LDAH: variants seen among roughly 807,000 people sequenced by gnomAD.
LDAH encodes the protein lipid droplet associated hydrolase.
A neutral mutation model predicts 29.6 loss-of-function variants in LDAH; 26 were observed. The ratio of observed to expected loss-of-function variants is 0.88; its 90% CI spans 0.64 to 1.22. The LOEUF is 1.22. LDAH is among the 50% of genes most tolerant of loss of function. The pLI is 0.00. For synonymous variants in LDAH, 117 were observed against 133.0 expected, an observed-to-expected ratio of 0.88 and a Z score of 0.83; for missense variants, 344 against 387.3, an observed-to-expected ratio of 0.89 and a Z score of 0.94.
chr2:20,740,728 A>C (rs1451558364), intron 4 of LDAH, among the ~76,000 whole-genome samples: 2 of 152,188 alleles, frequency 1.3e-5, no homozygotes, highest in African/African-American at 4.8e-5. Flanking sequence ...ATTATGAATA[A>C]AGCTGCTATA....
chr2:20,773,380 C>A (rs1304409198), intron 4 of LDAH, among the ~76,000 whole-genome samples: 1 of 151,568 alleles, frequency 6.6e-6, no homozygotes, highest in African/African-American at 2.4e-5. Flanking sequence ...GAACTCACAG[C>A]AACTGTGCAA....
chr2:20,714,644 T>C (rs891228313), intron 5 of LDAH, among the ~76,000 whole-genome samples: 4 of 151,720 alleles, frequency 2.6e-5, no homozygotes, highest in Non-Finnish European at 4.4e-5. Flanking sequence ...GCAAGACTAA[T>C]AAAGAAGAAA....
intron 3 of LDAH, among the ~76,000 whole-genome samples, chr2:20,779,183 C>A (rs1283657651): frequency 1.3e-5 from 2 of 152,038 alleles, no homozygotes; most frequent in African/African-American, 4.8e-5. Flanking sequence ...AAACAACTTG[C>A]ATGTAAAAAT....
chr2:20,699,822 G>T (rs1663783324), intron 6 of LDAH, among the ~76,000 whole-genome samples: 1 of 152,154 alleles, frequency 6.6e-6, no homozygotes, highest in South Asian at 2.1e-4. Flanking sequence ...ACCATGAACA[G>T]CCCTCTATCT....
At chr2:20,731,258 T>G (rs1401287640) in intron 5 of LDAH, among the ~76,000 whole-genome samples, 1 of 152,208 alleles carries the variant, frequency 6.6e-6, no homozygotes, top group Admixed American at 6.5e-5. Flanking sequence ...TGGTTTCTCA[T>G]GACTTAACAC....
At chr2:20,713,284 A>G (rs1664906129) in intron 5 of LDAH, among the ~76,000 whole-genome samples, 1 of 152,214 alleles carries the variant, frequency 6.6e-6, no homozygotes, top group African/African-American at 2.4e-5. Context: ...ATATACAGCC[A>G]AACTAAGCTT....
intron 5 of LDAH, among the ~76,000 whole-genome samples, chr2:20,707,707 C>T (rs1664415066): frequency 6.6e-6 from 1 of 152,174 alleles, no homozygotes; most frequent in Non-Finnish European, 1.5e-5. Flanking sequence ...GGAATAATCC[C>T]TGAATTGAGA....
chr2:20,727,395 C>T (rs1412847960), intron 5 of LDAH, among the ~76,000 whole-genome samples: 3 of 152,088 alleles, frequency 2.0e-5, no homozygotes, highest in African/African-American at 4.8e-5. Context: ...GATGCAAATG[C>T]TTATGTTGTC....
At chr2:20,819,486 T>C (rs1337587325) in intron 1 of LDAH, among the ~76,000 whole-genome samples, 2 of 152,150 alleles carry the variant, frequency 1.3e-5, no homozygotes, top group Non-Finnish European at 2.9e-5. Context: ...ATAAACGTAA[T>C]CCAGCATATA....
chr2:20,688,998 C>T, intron 6 of LDAH, among the ~76,000 whole-genome samples: 1 of 151,740 alleles, frequency 6.6e-6, no homozygotes, highest in African/African-American at 2.4e-5. Context: ...TACCCCCCAT[C>T]CCCTAACAGG....
chr2:20,767,323 G>A (rs1669109746), intron 4 of LDAH, among the ~76,000 whole-genome samples: 1 of 150,604 alleles, frequency 6.6e-6, no homozygotes, highest in Admixed American at 6.6e-5. Context: ...GGCTTGGAGA[G>A]GCCTGCTCCA....
chr2:20,793,051 T>C lies in LDAH; in HGVS notation c.155-2653A>G, dbSNP rs113771539. 3.9e-3 allele frequency among the ~76,000 whole-genome samples: 587 copies of C among 152,304 alleles called. 5 individuals carry two copies. The highest frequency in any genetic ancestry group is 5.1e-3 in the Non-Finnish European group (345 of 68,008). ...AGTAAATGATGATGCCAATTACTTA[T>C]GTTCATTAATTCTATTCAGAATTAC... On this transcript the variant is annotated intron_variant, in intron 2 of 6. Transcript: ENST00000237822.
chr2:20,694,379 C>T (rs1663268900), intron 6 of LDAH, among the ~76,000 whole-genome samples: 1 of 152,218 alleles, frequency 6.6e-6, no homozygotes, highest in Non-Finnish European at 1.5e-5. Context: ...ATATAAGCAT[C>T]TCCTTTCAGT....
chr2:20,688,601 T>G (rs1386390300), intron 6 of LDAH, among the ~76,000 whole-genome samples: 1 of 152,142 alleles, frequency 6.6e-6, no homozygotes, highest in African/African-American at 2.4e-5. Context: ...CTGGATAGTT[T>G]GAGTGTATCA....
intron 4 of LDAH, among the ~76,000 whole-genome samples, chr2:20,757,206 T>C (rs185171591): frequency 1.3e-3 from 191 of 152,322 alleles, no homozygotes; most frequent in Middle Eastern, 0.01. Flanking sequence ...TTGCAAGCAG[T>C]AGCTAAGAAG....
intron 3 of LDAH, among the ~76,000 whole-genome samples, chr2:20,779,459 AC>A (rs1446612480): frequency 6.6e-6 from 1 of 151,880 alleles, no homozygotes; most frequent in Non-Finnish European, 1.5e-5. Flanking sequence ...GCTCATGTAT[AC>A]CTTTTTTTTT....
chr2:20,775,672 G>A (rs749926465), intron 3 of LDAH, among the ~76,000 whole-genome samples: 11 of 152,200 alleles, frequency 7.2e-5, no homozygotes, highest in Middle Eastern at 3.2e-3. Flanking sequence ...GTCCTGACCT[G>A]AAATATCCTC....
intron 4 of LDAH, among the ~76,000 whole-genome samples, chr2:20,751,320 T>C (rs1253936223): frequency 6.6e-6 from 1 of 152,218 alleles, no homozygotes; most frequent in Non-Finnish European, 1.5e-5. Context: ...AATTACTGCA[T>C]GAAAGATGCA....
chr2:20,687,708 C>A (rs1662670340), intron 6 of LDAH, among the ~76,000 whole-genome samples: 2 of 152,258 alleles, frequency 1.3e-5, no homozygotes, highest in South Asian at 4.1e-4. Flanking sequence ...GGAGACAGAG[C>A]CTCCTCTGTG....
Sources: gnomAD v4.1 joint callset for allele counts (sites outside exome capture counted in the v4.1 genomes callset) on GRCh38, gnomAD v4.1.1 for gene constraint, MANE v1.5 for transcripts, NCBI Gene and HGNC (gene_info 2026-07-23, HGNC 2026-07-21) for gene names.